The following SPAG16 variants were observed in gnomAD, a reference collection of about 807,000 sequenced individuals.
SPAG16 encodes sperm-associated antigen 16 protein.
Under a neutral mutation model 80.4 loss-of-function variants are expected in SPAG16, and 86 were observed. The ratio of observed to expected loss-of-function variants is 1.07; its 90% CI spans 0.90 to 1.28. The LOEUF (loss-of-function observed/expected upper bound fraction) is 1.28, where lower values mean the gene tolerates loss of function less well. Ranked by LOEUF, SPAG16 falls within the 50% of genes most tolerant of loss-of-function variation. The probability of loss-of-function intolerance (pLI) is 0.00; values close to 1 mark genes in which losing one functional copy is unlikely to be tolerated. For synonymous variants in SPAG16, 294 were observed against 265.9 expected, an observed-to-expected ratio of 1.11 and a Z score of -1.03; for missense variants, 870 against 765.3, an observed-to-expected ratio of 1.14 and a Z score of -1.61.
chr2:213,435,344 G>A (rs1384828374), intron 9 of SPAG16, among the ~76,000 whole-genome samples: 2 of 152,180 alleles, frequency 1.3e-5, no homozygotes, highest in Non-Finnish European at 2.9e-5. Flanking sequence ...GTATGCACAC[G>A]TACATAGTGT....
At chr2:213,573,254 C>T (rs999614341) in intron 10 of SPAG16, among the ~76,000 whole-genome samples, 2 of 151,984 alleles carry the variant, frequency 1.3e-5, no homozygotes, top group Non-Finnish European at 2.9e-5. Flanking sequence ...GCCATCTTGG[C>T]TCCTCCCCTT....
chr2:213,759,019 G>T (rs2125513500), intron 10 of SPAG16, among the ~76,000 whole-genome samples: 1 of 152,292 alleles, frequency 6.6e-6, no homozygotes, highest in Admixed American at 6.5e-5. Context: ...CATTCGAAGT[G>T]CTAAAGAAAA....
chr2:214,271,571 C>T (rs190115663), intron 15 of SPAG16, among the ~76,000 whole-genome samples: 2,571 of 152,170 alleles, frequency 0.017, 47 homozygotes, highest in African/African-American at 0.039. Context: ...GAGGCCAAGG[C>T]GGGTGGATCA....
chr2:213,690,783 T>G (rs1207226195), intron 10 of SPAG16, among the ~76,000 whole-genome samples: 1 of 152,158 alleles, frequency 6.6e-6, no homozygotes, highest in Non-Finnish European at 1.5e-5. Context: ...CTCCAGGTTC[T>G]TCAGCCTTTG....
chr2:213,563,097 T>C (rs1285850004), intron 10 of SPAG16, among the ~76,000 whole-genome samples: 1 of 152,242 alleles, frequency 6.6e-6, no homozygotes, highest in Admixed American at 6.5e-5. Context: ...TTTGTTTTCC[T>C]TTTGTGTTTT....
At chr2:213,605,015 C>T (rs1254529370) in intron 10 of SPAG16, among the ~76,000 whole-genome samples, 5 of 150,024 alleles carry the variant, frequency 3.3e-5, no homozygotes, top group Non-Finnish European at 7.4e-5. Flanking sequence ...TTCGCATCAC[C>T]AAATCTCTTT....
rs1046697833 is a variant in SPAG16, at chr2:213,780,779, C to CT, written c.1071-81699dup. 9.2e-5 allele frequency among the ~76,000 whole-genome samples: 14 copies of CT among 151,954 alleles called. 3 individuals are homozygous for CT. The highest frequency in any genetic ancestry group is 6.6e-4 in the Admixed American group (10 of 15,250). On this transcript the variant is annotated intron_variant, in intron 10 of 15. Coordinates refer to ENST00000331683, the MANE Select transcript of SPAG16 (RefSeq NM_024532.5). ...TTTGTTTCCTGAAACTGCCTGTATG[C>CT]TTTTTTTGCCAGAGAAGTCATCTTA...
chr2:214,172,754 C>G (rs1019125413), intron 15 of SPAG16, among the ~76,000 whole-genome samples: 3 of 152,042 alleles, frequency 2.0e-5, no homozygotes, highest in African/African-American at 7.2e-5. Context: ...ACATCCTCTC[C>G]AGCACCTGTT....
chr2:213,715,257 T>TATCTATCTATCTATCTATCTATC (rs1471220174), intron 10 of SPAG16, among the ~76,000 whole-genome samples: 4 of 151,012 alleles, frequency 2.6e-5, no homozygotes. Context: ...TCTATCTATC[T>TATCTATCTATCTATCTATCTATC]ATCTATCTAT....
intron 12 of SPAG16, among the ~76,000 whole-genome samples, chr2:213,978,788 C>T (rs1208093372): frequency 6.6e-6 from 1 of 152,014 alleles, no homozygotes; most frequent in Non-Finnish European, 1.5e-5. Flanking sequence ...TTTTCAAGCT[C>T]GGTCCTGTGA....
At chr2:214,215,483 C>T (rs2058408333) in intron 15 of SPAG16, among the ~76,000 whole-genome samples, 1 of 152,158 alleles carries the variant, frequency 6.6e-6, no homozygotes, top group African/African-American at 2.4e-5. Context: ...TTATGGTCAC[C>T]TCCTTCTCCC....
intron 7 of SPAG16, among the ~76,000 whole-genome samples, chr2:213,362,661 C>G (rs2066048596): frequency 6.6e-6 from 1 of 152,180 alleles, no homozygotes; most frequent in South Asian, 2.1e-4. Flanking sequence ...ATCAGACAAC[C>G]TCAAATCTAG....
chr2:213,606,988 C>T (rs1015385201), intron 10 of SPAG16, among the ~76,000 whole-genome samples: 6 of 152,064 alleles, frequency 3.9e-5, no homozygotes, highest in African/African-American at 7.2e-5. Flanking sequence ...AGCAGAGACA[C>T]GTAATAGAGT....
In SPAG16 at chr2:213,822,838, G is replaced by T. The variant is rs370083273; in HGVS notation, c.1071-39647G>T. Reference sequence around the variant, plus strand: ...GAGAATATGCAGTGTTTCGTTTTCTGTTCCTGTGTTAGTTTGCTGAGGATG... The same window carrying T: ...GAGAATATGCAGTGTTTCGTTTTCTTTTCCTGTGTTAGTTTGCTGAGGATG... On this transcript the variant is annotated intron_variant, in intron 10 of 15. Transcript: ENST00000331683. Among the ~76,000 whole-genome samples, 92 of 152,230 alleles carry T rather than the reference G, an allele frequency of 6.0e-4. 1 individual carries two copies. The South Asian group carries it at 0.017, about 27-fold the overall frequency.
At chr2:213,607,137 A>C (rs1174890270) in intron 10 of SPAG16, among the ~76,000 whole-genome samples, 1 of 152,216 alleles carries the variant, frequency 6.6e-6, no homozygotes, top group Non-Finnish European at 1.5e-5. Context: ...AGCAAATAGT[A>C]ATCAGCCATG....
At chr2:213,658,913 G>C (rs192561776) in intron 10 of SPAG16, among the ~76,000 whole-genome samples, 53 of 152,198 alleles carry the variant, frequency 3.5e-4, no homozygotes, top group African/African-American at 1.2e-3. Flanking sequence ...GCTTGTGCCT[G>C]TATTCCCAGC....
intron 10 of SPAG16, among the ~76,000 whole-genome samples, chr2:213,649,825 C>T (rs1241507955): frequency 6.6e-6 from 1 of 152,014 alleles, no homozygotes. Flanking sequence ...GCCTCTGAAA[C>T]ATGAGCCACT....
chr2:213,478,065 C>T (rs1456311305), intron 9 of SPAG16, among the ~76,000 whole-genome samples: 1 of 152,170 alleles, frequency 6.6e-6, no homozygotes, highest in Non-Finnish European at 1.5e-5. Flanking sequence ...TTCTTGCACT[C>T]ACTCTGTCCT....
intron 10 of SPAG16, among the ~76,000 whole-genome samples, chr2:213,832,426 G>T (rs750205599): frequency 1.3e-4 from 20 of 152,080 alleles, no homozygotes; most frequent in Non-Finnish European, 2.5e-4. Context: ...CCGTCTTCCT[G>T]TCTCTCATCC....
Sources: allele counts gnomAD v4.1 joint callset (sites outside exome capture counted in the v4.1 genomes callset), GRCh38; gene constraint gnomAD v4.1.1; transcripts MANE v1.5; gene names NCBI Gene and HGNC (gene_info 2026-07-23, HGNC 2026-07-21).